LOC122539214: variants seen among roughly 807,000 people sequenced by gnomAD.
chr19:52,659,838 TAAC>T, the LOC122539214 span, among the ~76,000 whole-genome samples: 2 of 152,062 alleles, frequency 1.3e-5, no homozygotes, highest in African/African-American at 4.8e-5. Flanking sequence ...GAAAGAATCC[TAAC>T]AACAGCCAAA....
At chr19:52,664,233 T>C in the LOC122539214 span, among the ~76,000 whole-genome samples, 3 of 151,062 alleles carry the variant, frequency 2.0e-5, no homozygotes, top group Non-Finnish European at 2.9e-5. Context: ...TGGTGGCTCA[T>C]GCCTGTAATC....
chr19:52,687,877 T>G, the LOC122539214 span, among the ~76,000 whole-genome samples: 1 of 151,160 alleles, frequency 6.6e-6, no homozygotes, highest in African/African-American at 2.4e-5. Flanking sequence ...AAAGTGATTT[T>G]TGTTGCACTT....
chr19:52,685,628 A>G, the LOC122539214 span, among the ~76,000 whole-genome samples: 3 of 152,046 alleles, frequency 2.0e-5, no homozygotes, highest in Non-Finnish European at 2.9e-5. Context: ...CAGGCACGGT[A>G]GCTCTTGCCT....
At chr19:52,675,293 C>T in the LOC122539214 span, among the ~76,000 whole-genome samples, 4 of 152,234 alleles carry the variant, frequency 2.6e-5, no homozygotes, top group African/African-American at 7.2e-5. Context: ...AGGGACAAGA[C>T]TTGATCCTAG....
the LOC122539214 span, among the ~76,000 whole-genome samples, chr19:52,659,423 G>A: frequency 1.3e-5 from 2 of 152,136 alleles, no homozygotes; most frequent in South Asian, 2.1e-4. Context: ...CAACAGAAAC[G>A]GTATATAAAA....
chr19:52,663,722 C>G, the LOC122539214 span, among the ~76,000 whole-genome samples: 5 of 152,052 alleles, frequency 3.3e-5, no homozygotes, highest in Non-Finnish European at 7.4e-5. Context: ...CTAAACTGAA[C>G]ACAATAAATT....
At chr19:52,688,994 A>T in the LOC122539214 span, among the ~76,000 whole-genome samples, 5 of 147,536 alleles carry the variant, frequency 3.4e-5, no homozygotes, top group Non-Finnish European at 7.4e-5. Context: ...TTTTACTGTT[A>T]CTCTTTTTCC....
chr19:52,660,898 C>T, the LOC122539214 span: 1 of 153,614 alleles, frequency 6.5e-6, no homozygotes, highest in Admixed American at 6.6e-5. Context: ...TGGAGTCCAG[C>T]TCTGTCACCA....
chr19:52,675,607 G>A, the LOC122539214 span, among the ~76,000 whole-genome samples: 2 of 152,122 alleles, frequency 1.3e-5, no homozygotes, highest in African/African-American at 2.4e-5. Flanking sequence ...ATGGGCTCAC[G>A]GGGAAATTGG....
At chr19:52,671,209 T>C in the LOC122539214 span, among the ~76,000 whole-genome samples, 1 of 152,296 alleles carries the variant, frequency 6.6e-6, no homozygotes, top group East Asian at 1.9e-4. Flanking sequence ...TTGTAAGGCA[T>C]GACCCCCTAG....
At chr19:52,690,039 A>G in the LOC122539214 span, among the ~76,000 whole-genome samples, 20 of 152,212 alleles carry the variant, frequency 1.3e-4, no homozygotes, top group East Asian at 1.9e-4. Context: ...GGCAGAGGAC[A>G]CGGCCTCCCC....
chr19:52,654,212 G>A, the LOC122539214 span: 4 of 1,587,348 alleles, frequency 2.5e-6, no homozygotes, highest in Admixed American at 1.7e-5. Context: ...TTTGTCATGG[G>A]TGCTTCATGG....
At chr19:52,665,848 G>T in the LOC122539214 span, among the ~76,000 whole-genome samples, 1 of 152,048 alleles carries the variant, frequency 6.6e-6, no homozygotes. Context: ...CATCTATGAG[G>T]ACGCACCCTT....
the LOC122539214 span, among the ~76,000 whole-genome samples, chr19:52,658,745 G>A: frequency 6.6e-6 from 1 of 152,126 alleles, no homozygotes; most frequent in Non-Finnish European, 1.5e-5. Context: ...GGCTTCCCCA[G>A]TTAAGCCTGT....
the LOC122539214 span, among the ~76,000 whole-genome samples, chr19:52,666,438 C>G: frequency 6.6e-6 from 1 of 152,052 alleles, no homozygotes; most frequent in African/African-American, 2.4e-5. Context: ...CCTGAAAGCA[C>G]TGAGGCCACT....
the LOC122539214 span, among the ~76,000 whole-genome samples, chr19:52,681,302 G>C: frequency 1.5e-5 from 1 of 66,654 alleles, no homozygotes. Context: ...AAAAAAAAAA[G>C]CAAACGAACA....
the LOC122539214 span, among the ~76,000 whole-genome samples, chr19:52,657,070 T>G: frequency 1.3e-5 from 2 of 151,544 alleles, no homozygotes; most frequent in African/African-American, 4.8e-5. Context: ...GATCCAAGAT[T>G]GCACCACTGC....
the LOC122539214 span, among the ~76,000 whole-genome samples, chr19:52,667,167 A>G: frequency 6.6e-6 from 1 of 150,948 alleles, no homozygotes; most frequent in Admixed American, 6.6e-5. Flanking sequence ...GACCTTAGGC[A>G]GTCTAGTTCA....
At chr19:52,686,584 G>C in the LOC122539214 span, among the ~76,000 whole-genome samples, 97,485 of 151,114 alleles carry the variant, frequency 0.65, 31,674 homozygotes, top group African/African-American at 0.73. Flanking sequence ...TTGTTTGTTT[G>C]TTTTTCTGAG....
Sources: gnomAD v4.1 joint callset for allele counts (sites outside exome capture counted in the v4.1 genomes callset) on GRCh38, gnomAD v4.1.1 for gene constraint, MANE v1.5 for transcripts.